The following ANO8 variants were observed in gnomAD, a reference collection of about 807,000 sequenced individuals.
The protein encoded by ANO8 is anoctamin-8.
Under a neutral mutation model 120.4 loss-of-function variants are expected in ANO8, and 67 were observed. The ratio of observed to expected loss-of-function variants is 0.56; its 90% CI spans 0.46 to 0.68. The LOEUF (loss-of-function observed/expected upper bound fraction) is 0.68, where lower values mean the gene tolerates loss of function less well. ANO8 is among the 30% of genes least tolerant of loss of function. The pLI is 0.00. For missense variants in ANO8, 1,526 were observed against 1,737.6 expected (o/e 0.88, Z 2.16); for synonymous variants, 727 against 759.2 (o/e 0.96, Z 0.70).
In ANO8 at chr19:17,323,481, T is replaced by TA; in HGVS notation, c.*35dup. ...ACCGGCCGCCCCTGTGAATGACTGATATTGCATATGAGAAGAGAAGGCAGG... is the reference window on the plus strand; with the variant it reads ...ACCGGCCGCCCCTGTGAATGACTGATAATTGCATATGAGAAGAGAAGGCAGG... On this transcript the variant is annotated 3_prime_UTR_variant, in exon 18 of 18. Coordinates refer to ENST00000159087, the MANE Select transcript of ANO8 (RefSeq NM_020959.3). 5 of 1,289,318 alleles carry TA rather than the reference T, an allele frequency of 3.9e-6. No individual in the cohort carries two copies. The highest frequency in any genetic ancestry group is 4.9e-6 in the Non-Finnish European group (5 of 1,017,766). 79.9% of individuals were successfully genotyped at this position (1,289,318 alleles called of 1,614,324 possible). A position where few individuals can be genotyped will look rare whatever the true frequency, so the allele number is the denominator to read the frequency against.
In ANO8 at chr19:17,323,571, G is replaced by C. The variant is rs1486227577; in HGVS notation, c.3645C>G (p.Ser1215=). 2 of 1,289,532 alleles carry C rather than the reference G, an allele frequency of 1.6e-6. No individual in the cohort carries two copies. Among genetic ancestry groups the C allele is most frequent in the African/African-American group, 3.0e-5 (2 of 66,092 alleles). The allele number at this position is 1,289,532 out of a possible 1,614,324, so 79.9% of individuals were successfully genotyped here. Residue 1215 remains serine, a synonymous_variant, in exon 18 of 18, where the codon TCC becomes TCG. Transcript: ENST00000159087. ...CCTGGGGGCTGGGGCTGGGGCTAGG[G>C]GAGGGCGCTGGGGTCTCGAGGGGAT... ...TSDPLETPAP[S]PSPSPSPQAV...
Position 17,326,863 on chromosome 19 carries a change from G to A in ANO8, c.2661+372C>T, listed in dbSNP as rs138481902. ...GGTGGATGGCTGAAGGTTCTGAAGG[G>A]CCAGCCTCGTGCTGGATGCTGCCAG... On this transcript the variant is annotated intron_variant, in intron 16 of 17. Transcript: ENST00000159087. 2.5e-3 allele frequency among the ~76,000 whole-genome samples: 385 copies of A among 152,344 alleles called. 2 individuals carry two copies. Among genetic ancestry groups the A allele is most frequent in the African/African-American group, 8.5e-3 (353 of 41,570 alleles).
At position 17,328,362 on chromosome 19, in the gene ANO8, C is replaced by G. The variant is rs1469260458; in HGVS notation, c.2026G>C (p.Ala676Pro). The G allele has an allele frequency of 1.3e-6, 2 of 1,574,232 alleles. No individual in the cohort carries two copies. Among genetic ancestry groups the G allele is most frequent in the Non-Finnish European group, 1.7e-6 (2 of 1,164,382 alleles). The change falls in exon 13 of 18, where the codon GCC becomes CCC. Residue 676 changes from alanine to proline, a missense_variant. By Grantham distance (27) the Ala-to-Pro change is conservative. Transcript: ENST00000159087. ...CCCCCGGCCCGGCGGAACAAGATGG[C>G]CGGGGGCTCCCGTTCAGGGCTGCCG... ...APGSPEREPPAILFRRAGGEG... is the reference protein window; with the variant it reads ...APGSPEREPPPILFRRAGGEG...
chr19:17,324,387 C>A (rs2074258810), intron 17 of ANO8, among the ~76,000 whole-genome samples: 1 of 152,018 alleles, frequency 6.6e-6, no homozygotes, highest in Admixed American at 6.5e-5. Flanking sequence ...TGAGCTGGAG[C>A]AGGAGAAGGG....
chr19:17,332,975 C>T lies in ANO8; in HGVS notation c.541G>A (p.Gly181Arg). 6.2e-7 allele frequency: 1 copy of T among 1,614,180 alleles called. No homozygotes were observed. Among genetic ancestry groups the T allele is most frequent in the Non-Finnish European group, 8.5e-7 (1 of 1,180,046 alleles). The change falls in exon 5 of 18, where the codon GGA becomes AGA. Residue 181 changes from glycine (G) to arginine (R), a missense_variant. Around this residue, in one of 8 missense-constraint regions of ANO8, gnomAD observed 322 missense variants for 431.8 expected, o/e 0.75. Coordinates refer to ENST00000159087, the MANE Select transcript of ANO8 (RefSeq NM_020959.3). ...FWLQNLRAKQ[G>R]EALHNVRFLE... ...AAGCGCACGTTGTGGAGTGCTTCTC[C>T]CTGCTTGGCACGCAAATTCTGCAGC...
At chr19:17,325,752 A>AC (rs2074270054) in intron 16 of ANO8, among the ~76,000 whole-genome samples, 1 of 152,054 alleles carries the variant, frequency 6.6e-6, no homozygotes, top group African/African-American at 2.4e-5. Flanking sequence ...AAATGGCAAA[A>AC]CCCTGTCTCT....
Position 17,334,678 on chromosome 19 carries a change from A to G in ANO8, c.-8T>C. 6.9e-7 allele frequency: 1 copy of G among 1,449,186 alleles called. No homozygotes were observed. Among genetic ancestry groups the G allele is most frequent in the Non-Finnish European group, 9.0e-7 (1 of 1,110,228 alleles). The allele number at this position is 1,449,186 out of a possible 1,614,324, so 89.8% of individuals were successfully genotyped here. ...GGAGGCGGCCTCGGCCATGGCGAGG[A>G]CAGGTCAGGTCAGGGGCTACGGACG... On this transcript the variant is annotated 5_prime_UTR_variant, in exon 1 of 18. Transcript: ENST00000159087.
At position 17,327,450 on chromosome 19, in the gene ANO8, C is replaced by G; in HGVS notation, c.2538G>C (p.Val846=). ...WLSPEAAIVS[V]VVLEHFALLL... The stretch of plus-strand genomic sequence containing the variant: ...TCGCCGGCCCCACCTCGAGCACTAC[C>G]ACCGACACGATGGCTGCCTCCGGGC... Residue 846 remains valine, a synonymous_variant, in exon 15 of 18, where the codon GTG becomes GTC. Transcript: ENST00000159087. 6.2e-7 allele frequency: 1 copy of G among 1,611,216 alleles called. No individual in the cohort carries two copies. Among genetic ancestry groups the G allele is most frequent in the Non-Finnish European group, 8.5e-7 (1 of 1,179,000 alleles).
Position 17,333,416 on chromosome 19 carries a change from A to G in ANO8, c.350+6T>C. 6.2e-7 allele frequency: 1 copy of G among 1,613,476 alleles called. No homozygotes were observed. The highest frequency in any genetic ancestry group is 1.3e-5 in the African/African-American group (1 of 74,928). On this transcript the variant is annotated splice_donor_region_variant and intron_variant, in intron 3 of 17. Coordinates refer to ENST00000159087, the MANE Select transcript of ANO8 (RefSeq NM_020959.3). This position sits in a 1 kb window ranked among gnomAD's most constrained non-coding sequence, Gnocchi z 7.2. ...CTCAGCGAGAGGCCAGGGACAGGGG[A>G]CTCGCCTCTCATACGTGGCGGTGAC... is the stretch of plus-strand genomic sequence containing the variant.
In ANO8 at chr19:17,324,775, C is replaced by A; in HGVS notation, c.3273G>T (p.Pro1091=). 6.4e-7 allele frequency: 1 copy of A among 1,558,192 alleles called. No individual in the cohort carries two copies. The highest frequency in any genetic ancestry group is 1.7e-4 in the Middle Eastern group (1 of 5,778). The part of the protein sequence containing the change: ...SGSSRVQRSG[P]VDEALAEELE... Reference sequence around the variant, plus strand: ...GCTCCTCAGCCAGGGCCTCGTCCACCGGCCCACTCCTCTGAACCCGGCTGC... The same window carrying A: ...GCTCCTCAGCCAGGGCCTCGTCCACAGGCCCACTCCTCTGAACCCGGCTGC... The change falls in exon 17 of 18, where the codon CCG becomes CCT. Residue 1091 remains proline (P), a synonymous_variant. Coordinates refer to ENST00000159087, the MANE Select transcript of ANO8 (RefSeq NM_020959.3).
rs569885331 is a variant in ANO8 at position 17,327,430 on chromosome 19, G to A, written c.2550+8C>T. The stretch of plus-strand genomic sequence containing the variant: ...CCCAGCTGCCCCCGCCCCTGTCGCC[G>A]GCCCCACCTCGAGCACTACCACCGA... On this transcript the variant is annotated splice_region_variant and intron_variant, in intron 15 of 17. Transcript: ENST00000159087. The A allele has an allele frequency of 8.7e-6, 14 of 1,601,252 alleles. No homozygotes were observed. In the African/African-American group the frequency reaches 1.7e-4, roughly 20 times the overall value.
chr19:17,331,438 C>G, intron 5 of ANO8, 27 bp from the exon 6 acceptor site: 1 of 1,601,584 alleles, frequency 6.2e-7, no homozygotes, highest in Non-Finnish European at 8.5e-7. Flanking sequence ...ACAGGTGATC[C>G]CCGCCCCTCC....
intron 9 of ANO8, 38 bp downstream of exon 9, chr19:17,330,314 G>A (rs1273706272): frequency 6.2e-7 from 1 of 1,612,422 alleles, no homozygotes; most frequent in African/African-American, 1.3e-5. Flanking sequence ...GTGGAGCTAG[G>A]TACCAAGGAC....
In ANO8 at chr19:17,333,477, G is replaced by A. The variant is rs755852920; in HGVS notation, c.295C>T (p.Arg99Cys). The A allele has an allele frequency of 5.0e-6, 8 of 1,613,318 alleles. No individual in the cohort carries two copies. The highest frequency in any genetic ancestry group is 6.8e-6 in the Non-Finnish European group (8 of 1,179,998). ...TAGGCACGCGTGTGGCGGTGGTGGC[G>A]GACTTGCACGATGAGCTCGGGAATG... The part of the protein sequence containing the change: ...VGIPELIVQV[R>C]HHRHTRAYAF... The change falls in exon 3 of 18, where the codon CGC becomes TGC. Residue 99 changes from arginine to cysteine, a missense_variant. Arg to Cys is a radical substitution (Grantham distance 180). Around this residue, in one of 8 missense-constraint regions of ANO8, gnomAD observed 322 missense variants for 431.8 expected, o/e 0.75. Transcript: ENST00000159087. The surrounding 1 kb of genome is among the most constrained non-coding windows in gnomAD (Gnocchi z 7.2).
chr19:17,330,690 A>G (rs1283328648), intron 8 of ANO8, 138 bp downstream of exon 8: 30 of 1,424,136 alleles, frequency 2.1e-5, no homozygotes, highest in Non-Finnish European at 2.6e-5. Flanking sequence ...TGGGGAGCAC[A>G]CAGAGCCCGC....
rs137877557 is a variant in ANO8, at chr19:17,327,797, C to T, written c.2310G>A (p.Leu770=). The change falls in exon 14 of 18, where the codon CTG becomes CTA. Residue 770 remains leucine, a synonymous_variant. Coordinates refer to ENST00000159087, the MANE Select transcript of ANO8 (RefSeq NM_020959.3). Reference sequence around the variant, plus strand: ...CAATGAGGTTGTTGACCAGGGCGCACAGCGCCGCCAGGGGGAAGGCGGACG... The same window carrying T: ...CAATGAGGTTGTTGACCAGGGCGCATAGCGCCGCCAGGGGGAAGGCGGACG... ...LFSSAFPLAA[L]CALVNNLIEI... The T allele has an allele frequency of 2.4e-5, 38 of 1,614,102 alleles. No homozygotes were observed. The highest frequency in any genetic ancestry group is 2.9e-5 in the Non-Finnish European group (34 of 1,180,024).
In ANO8 at chr19:17,327,739, C is replaced by T. The variant is rs1168298252; in HGVS notation, c.2368G>A (p.Gly790Arg). 9 of 1,613,896 alleles carry T rather than the reference C, an allele frequency of 5.6e-6. No homozygotes were observed. The highest frequency in any genetic ancestry group is 6.8e-6 in the Non-Finnish European group (8 of 1,179,994). Reference protein sequence around the residue: ...IRSDAFKLCTGLQRPFGQRVE... With the variant: ...IRSDAFKLCTRLQRPFGQRVE... Reference sequence around the variant, plus strand: ...CGCTGGCCGAAGGGCCGCTGCAGCCCGGTGCACAGCTTGAAGGCGTCGCTG... The same window carrying T: ...CGCTGGCCGAAGGGCCGCTGCAGCCTGGTGCACAGCTTGAAGGCGTCGCTG... The change falls in exon 14 of 18, where the codon GGG becomes AGG. Residue 790 changes from glycine (G) to arginine (R), a missense_variant. Coordinates refer to ENST00000159087, the MANE Select transcript of ANO8 (RefSeq NM_020959.3).
chr19:17,333,820 GC>G lies in ANO8; in HGVS notation c.107-21del. 1 of 1,556,366 alleles carries G rather than the reference GC, an allele frequency of 6.4e-7. No individual in the cohort carries two copies. Among genetic ancestry groups the G allele is most frequent in the Non-Finnish European group, 8.7e-7 (1 of 1,149,128 alleles). ...GCTTATCTAGGGGGCGGCGTAGCAG[GC>G]CCGGGTCAGGCCACTCTGGGATCCG... On this transcript the variant is annotated intron_variant, in intron 1 of 17. Transcript: ENST00000159087. This position sits in a 1 kb window ranked among gnomAD's most constrained non-coding sequence, Gnocchi z 7.2.
chr19:17,323,692 G>A lies in ANO8; in HGVS notation c.3524C>T (p.Pro1175Leu), dbSNP rs2074253414. Reference protein sequence around the residue: ...RQALAAAECPPCAMAGPPPAP... With the variant: ...RQALAAAECPLCAMAGPPPAP... Reference sequence around the variant, plus strand: ...GGGTGGGGGCCCGGCCATGGCACAGGGTGGGCACTCGGCAGCGGCCAGGGC... The same window carrying A: ...GGGTGGGGGCCCGGCCATGGCACAGAGTGGGCACTCGGCAGCGGCCAGGGC... Residue 1175 changes from proline (P) to leucine (L), a missense_variant, in exon 18 of 18, where the codon CCC becomes CTC. Physicochemically the swap from Pro to Leu is moderately conservative, Grantham distance 98. Transcript: ENST00000159087. The A allele has an allele frequency of 4.9e-6, 6 of 1,217,974 alleles. No individual in the cohort carries two copies. Among genetic ancestry groups the A allele is most frequent in the Non-Finnish European group, 5.1e-6 (5 of 978,568 alleles). 75.4% of individuals were successfully genotyped at this position (1,217,974 alleles called of 1,614,324 possible). A position where few individuals can be genotyped will look rare whatever the true frequency, so the allele number is the denominator to read the frequency against.
Sources: gnomAD v4.1 joint callset for allele counts (sites outside exome capture counted in the v4.1 genomes callset) on GRCh38, gnomAD v4.1.1 for gene constraint, gnomAD v4.1.1 regional missense constraint, Gnocchi (gnomAD v3.1) non-coding constraint, MANE v1.5 for transcripts, NCBI Gene and HGNC (gene_info 2026-07-23, HGNC 2026-07-21) for gene names.